RARRES1: variants seen among roughly 807,000 people sequenced by gnomAD.
RARRES1 encodes the protein retinoic acid receptor responder protein 1.
In RARRES1, 34 loss-of-function variants were observed where a neutral mutation model predicts 30.6. The observed-to-expected ratio is 1.11, with a 90% confidence interval of 0.84 to 1.48. RARRES1 has a LOEUF of 1.48. Ranked by LOEUF, RARRES1 falls within the 40% of genes most tolerant of loss-of-function variation. The probability of loss-of-function intolerance (pLI) is 0.00; values close to 1 mark genes in which losing one functional copy is unlikely to be tolerated. For synonymous variants in RARRES1, 153 were observed against 155.5 expected (o/e 0.98, Z 0.12); for missense variants, 373 against 386.5 (o/e 0.97, Z 0.29).
chr3:158,731,314 G>A (rs976724797), intron 1 of RARRES1, among the ~76,000 whole-genome samples: 1 of 152,190 alleles, frequency 6.6e-6, no homozygotes, highest in Non-Finnish European at 1.5e-5. Context: ...GAGGCCGTGT[G>A]TCTGCAGGCT....
At chr3:158,725,184 T>A (rs1191261117) in intron 1 of RARRES1, among the ~76,000 whole-genome samples, 2 of 152,168 alleles carry the variant, frequency 1.3e-5, no homozygotes, top group African/African-American at 4.8e-5. Context: ...CCATAGCAAG[T>A]CAGCCAGAGT....
At chr3:158,701,834 G>A (rs1337897865) in intron 4 of RARRES1, among the ~76,000 whole-genome samples, 1 of 152,048 alleles carries the variant, frequency 6.6e-6, no homozygotes, top group African/African-American at 2.4e-5. Flanking sequence ...TTGCTCCAGG[G>A]ATTTAAATTT....
At chr3:158,719,933 C>A (rs1727447531) in intron 1 of RARRES1, among the ~76,000 whole-genome samples, 1 of 152,190 alleles carries the variant, frequency 6.6e-6, no homozygotes, top group Non-Finnish European at 1.5e-5. Context: ...TGGAGGGAAT[C>A]ATGATAAAAG....
At chr3:158,703,812 TAC>T (rs1726814448) in intron 4 of RARRES1, among the ~76,000 whole-genome samples, 1 of 152,232 alleles carries the variant, frequency 6.6e-6, no homozygotes, top group Non-Finnish European at 1.5e-5. Flanking sequence ...CTTCTTTGTC[TAC>T]ACTCATTATC....
At chr3:158,718,073 G>A (rs1727383385) in intron 1 of RARRES1, among the ~76,000 whole-genome samples, 1 of 151,284 alleles carries the variant, frequency 6.6e-6, no homozygotes, top group Non-Finnish European at 1.5e-5. Flanking sequence ...CCGCCTCCTG[G>A]GTTCAAGAAA....
chr3:158,705,267 C>T (rs994797641), intron 3 of RARRES1, among the ~76,000 whole-genome samples: 1 of 152,180 alleles, frequency 6.6e-6, no homozygotes, highest in African/African-American at 2.4e-5. Flanking sequence ...TGCCACCACC[C>T]TTCAGGCCTG....
intron 1 of RARRES1, among the ~76,000 whole-genome samples, chr3:158,725,637 A>AG (rs998398324): frequency 1.1e-4 from 17 of 152,154 alleles, no homozygotes; most frequent in Non-Finnish European, 2.5e-4. Flanking sequence ...TAAAAAAAAA[A>AG]TTGTGGTTTA....
At chr3:158,707,819 A>AT (rs1726975549) in intron 3 of RARRES1, among the ~76,000 whole-genome samples, 1 of 152,240 alleles carries the variant, frequency 6.6e-6, no homozygotes, top group African/African-American at 2.4e-5. Flanking sequence ...CATTGTCATC[A>AT]TATCACCCTT....
chr3:158,704,032 CCTT>C (rs1235813467), intron 4 of RARRES1, among the ~76,000 whole-genome samples: 3 of 151,942 alleles, frequency 2.0e-5, no homozygotes, highest in Non-Finnish European at 4.4e-5. Flanking sequence ...AAAACTGTGT[CCTT>C]CTAGTTAATC....
At chr3:158,703,788 C>T (rs1726813759) in intron 4 of RARRES1, among the ~76,000 whole-genome samples, 1 of 152,128 alleles carries the variant, frequency 6.6e-6, no homozygotes, top group South Asian at 2.1e-4. Flanking sequence ...TGATCCAGTC[C>T]TTACATAACT....
chr3:158,722,401 G>T (rs1422470628), intron 1 of RARRES1, among the ~76,000 whole-genome samples: 1 of 151,812 alleles, frequency 6.6e-6, no homozygotes, highest in Non-Finnish European at 1.5e-5. Context: ...CACTTTTTTT[G>T]AAATATTGCA....
chr3:158,702,136 C>G (rs896020864), intron 4 of RARRES1, among the ~76,000 whole-genome samples: 2 of 152,172 alleles, frequency 1.3e-5, no homozygotes, highest in Non-Finnish European at 2.9e-5. Flanking sequence ...CTCCCGGGTT[C>G]AAGCGATTCT....
chr3:158,730,747 CCAG>C (rs1183188488), intron 1 of RARRES1, among the ~76,000 whole-genome samples: 1 of 143,652 alleles, frequency 7.0e-6, no homozygotes, highest in African/African-American at 2.6e-5. Context: ...CCACCATGCC[CCAG>C]CAGGTTGCCT....
intron 3 of RARRES1, among the ~76,000 whole-genome samples, chr3:158,709,539 C>T (rs1362096022): frequency 6.6e-6 from 1 of 152,068 alleles, no homozygotes. Context: ...ATTCAGGGTT[C>T]AGAATTTTAG....
chr3:158,732,183 C>T lies in RARRES1; in HGVS notation c.233G>A (p.Ser78Asn). Residue 78 changes from serine to asparagine, a missense_variant, in exon 1 of 6, where the codon AGC (serine) becomes AAC (asparagine). By Grantham distance (46) the Ser-to-Asn change is conservative. Transcript: ENST00000237696. Reference protein sequence around the residue: ...HFFNFRSGSPSALRVLAEVQE... With the variant: ...HFFNFRSGSPNALRVLAEVQE... ...CACCTCGGCCAGCACTCGTAGCGCG[C>T]TGGGCGAGCCGGACCGGAAGTTGAA... is the stretch of plus-strand genomic sequence containing the variant. 1 of 1,417,234 alleles carries T rather than the reference C, an allele frequency of 7.1e-7. No homozygotes were observed. The highest frequency in any genetic ancestry group is 9.2e-7 in the Non-Finnish European group (1 of 1,091,948). 87.8% of individuals were successfully genotyped at this position (1,417,234 alleles called of 1,614,324 possible). A position where few individuals can be genotyped will look rare whatever the true frequency, so the allele number is the denominator to read the frequency against.
At chr3:158,719,961 C>CTTA (rs746975977) in intron 1 of RARRES1, among the ~76,000 whole-genome samples, 4 of 152,154 alleles carry the variant, frequency 2.6e-5, no homozygotes, top group Non-Finnish European at 4.4e-5. Flanking sequence ...GTGTTGTACT[C>CTTA]TTACTGTGTG....
intron 3 of RARRES1, among the ~76,000 whole-genome samples, chr3:158,708,975 G>A (rs1467618148): frequency 1.3e-5 from 2 of 151,900 alleles, no homozygotes; most frequent in African/African-American, 2.4e-5. Flanking sequence ...ATTTTAACTG[G>A]GTAAAATTTA....
At chr3:158,717,193 A>G (rs1293770648) in intron 1 of RARRES1, among the ~76,000 whole-genome samples, 1 of 152,176 alleles carries the variant, frequency 6.6e-6, no homozygotes, top group Non-Finnish European at 1.5e-5. Flanking sequence ...GTTCTGTGAT[A>G]AAGGGGTCGT....
rs753636949 is a variant in RARRES1, at chr3:158,704,917, TC to T, written c.545del (p.Gly182AspfsTer7). ...TGAGTCTCAGAGAGGGATCAATATG[TC>T]CATGATTATCTGAGAGAGACAAAAA... ...LEIVSIPDNH[G>X]HIDPSLRLIW... On this transcript the variant is annotated frameshift_variant, in exon 4 of 6. Coordinates refer to ENST00000237696, the MANE Select transcript of RARRES1 (RefSeq NM_206963.2). LOFTEE classifies it high-confidence loss of function. 9 of 1,607,998 alleles carry T rather than the reference TC, an allele frequency of 5.6e-6. No individual in the cohort carries two copies. Among genetic ancestry groups the T allele is most frequent in the Non-Finnish European group, 7.6e-6 (9 of 1,178,416 alleles).
Sources: gnomAD v4.1 joint callset for allele counts (sites outside exome capture counted in the v4.1 genomes callset) on GRCh38, gnomAD v4.1.1 for gene constraint, MANE v1.5 for transcripts, NCBI Gene and HGNC (gene_info 2026-07-23, HGNC 2026-07-21) for gene names.